NUP35: variants seen among roughly 807,000 people sequenced by gnomAD.
NUP35 encodes nucleoporin NUP35.
A neutral mutation model predicts 41.5 loss-of-function variants in NUP35; 25 were observed. The observed-to-expected ratio is 0.60, with a 90% CI of 0.44 to 0.84. NUP35 has a LOEUF of 0.84. Ranked by LOEUF, NUP35 falls within the 40% of genes least tolerant of loss-of-function variation. The pLI is 0.00. For missense variants in NUP35, 396 were observed against 396.6 expected, an observed-to-expected ratio of 1.00 and a Z score of 0.01; for synonymous variants, 149 against 130.7, an observed-to-expected ratio of 1.14 and a Z score of -0.96.
chr2:183,121,428 G>A (rs1700065859), upstream of NUP35, among the ~76,000 whole-genome samples: 1 of 152,108 alleles, frequency 6.6e-6, no homozygotes, highest in Non-Finnish European at 1.5e-5. Flanking sequence ...TCAATTCTGG[G>A]CTTCTTTATA....
At chr2:183,139,831 C>T (rs942182280) in intron 4 of NUP35, among the ~76,000 whole-genome samples, 2 of 152,184 alleles carry the variant, frequency 1.3e-5, no homozygotes, top group African/African-American at 4.8e-5. Context: ...TAATTTTGGA[C>T]TTTGGGCCTC....
chr2:183,134,446 G>C (rs1487735415), intron 4 of NUP35, among the ~76,000 whole-genome samples: 5 of 152,014 alleles, frequency 3.3e-5, no homozygotes, highest in African/African-American at 1.2e-4. Flanking sequence ...TAATGTATTA[G>C]TTTTCTGTTG....
At chr2:183,154,869 G>T (rs1575136033) in intron 5 of NUP35, among the ~76,000 whole-genome samples, 1 of 152,164 alleles carries the variant, frequency 6.6e-6, no homozygotes, top group African/African-American at 2.4e-5. Flanking sequence ...AGAAAAAGAG[G>T]TTTAATTGGA....
In NUP35 at chr2:183,159,211, G is replaced by C. The variant is rs189761459; in HGVS notation, c.739-277G>C. On this transcript the variant is annotated intron_variant, in intron 7 of 8. Transcript: ENST00000295119. ...CCCTAAGAATTTTTTTGTCCTTGCT[G>C]ATTTTTCATAGTGTTTTAGGAAATT... is the stretch of plus-strand genomic sequence containing the variant. 2.6e-5 allele frequency among the ~76,000 whole-genome samples: 4 copies of C among 152,246 alleles called. No homozygotes were observed. In the East Asian group the frequency reaches 5.8e-4, roughly 22 times the overall value.
At chr2:183,121,933 A>ATTATTATTATTATTATTATTAT (rs1553526836), upstream of NUP35, among the ~76,000 whole-genome samples, 3 of 149,670 alleles carry the variant, frequency 2.0e-5, no homozygotes, top group Non-Finnish European at 3.0e-5. Context: ...TATTATTATT[A>ATTATTATTATTATTATTATTAT]TACTTTAAGT....
chr2:183,159,399 TC>T, intron 7 of NUP35, 88 bp from the exon 8 acceptor site: 1 of 1,002,226 alleles, frequency 1.0e-6, no homozygotes. Flanking sequence ...TTCATCTTTA[TC>T]TTTTAATTAA....
At chr2:183,158,182 G>A (rs1258374651) in intron 6 of NUP35, 101 bp from the exon 7 acceptor site, 1 of 880,310 alleles carries the variant, frequency 1.1e-6, no homozygotes, top group African/African-American at 1.7e-5. Flanking sequence ...AATACGGAAT[G>A]GAAGTAAATT....
rs1684514146 is a variant in NUP35, at chr2:183,127,024, GCT to G, written c.41-1260_41-1259del. On this transcript the variant is annotated intron_variant, in intron 1 of 8. Transcript: ENST00000295119. ...TATACTTGCTATAATTCTAACAAAA[GCT>G]CTGTTAGTGGATGCTAGCTATGCTT... Among the ~76,000 whole-genome samples the G allele has an allele frequency of 2.6e-5, 4 of 151,780 alleles. No individual in the cohort carries two copies. In the South Asian group the frequency reaches 8.3e-4, roughly 32 times the overall value.
intron 4 of NUP35, among the ~76,000 whole-genome samples, chr2:183,148,123 G>A (rs1685343439): frequency 6.6e-6 from 1 of 152,142 alleles, no homozygotes; most frequent in African/African-American, 2.4e-5. Flanking sequence ...CATCCATGTT[G>A]CTGCAAAATT....
intron 4 of NUP35, among the ~76,000 whole-genome samples, chr2:183,147,159 T>G (rs1685308296): frequency 6.6e-6 from 1 of 152,210 alleles, no homozygotes; most frequent in Admixed American, 6.5e-5. Flanking sequence ...GGTTGTCGAT[T>G]TATTCTTTTG....
chr2:183,123,781 G>A (rs1302664108), upstream of NUP35: 1 of 985,206 alleles, frequency 1.0e-6, no homozygotes, highest in Non-Finnish European at 1.2e-6. Flanking sequence ...GGCAGGGATG[G>A]CACATGCAGA....
At chr2:183,130,386 C>CTT in intron 2 of NUP35, 32 bp from the exon 3 acceptor site, 1 of 1,285,468 alleles carries the variant, frequency 7.8e-7, no homozygotes, top group Non-Finnish European at 1.1e-6. Context: ...AAGAAGAATC[C>CTT]CTTTTTTTTT....
At chr2:183,118,257 AGTATT>A (rs1700016437) in intron 1 of NUP35, 1 of 152,224 alleles carries the variant, frequency 6.6e-6, no homozygotes, top group Non-Finnish European at 1.5e-5. Flanking sequence ...TAGAGAAAAA[AGTATT>A]GTAATCAAGA....
At chr2:183,125,593 TGTC>T (rs1684437728) in intron 1 of NUP35, among the ~76,000 whole-genome samples, 1 of 152,240 alleles carries the variant, frequency 6.6e-6, no homozygotes, top group Non-Finnish European at 1.5e-5. Flanking sequence ...TATATATAGA[TGTC>T]GTCTTGGTAT....
chr2:183,126,137 G>A (rs1026601367), intron 1 of NUP35, among the ~76,000 whole-genome samples: 3 of 152,128 alleles, frequency 2.0e-5, no homozygotes, highest in African/African-American at 4.8e-5. Context: ...CCGGGCTCAA[G>A]CAATCCTCCC....
At chr2:183,159,173 C>G (rs767844445) in intron 7 of NUP35, among the ~76,000 whole-genome samples, 1 of 152,088 alleles carries the variant, frequency 6.6e-6, no homozygotes, top group Non-Finnish European at 1.5e-5. Flanking sequence ...TTGATTCTTT[C>G]CAATCCAGGT....
intron 1 of NUP35, among the ~76,000 whole-genome samples, chr2:183,127,289 T>A (rs1684527230): frequency 6.6e-6 from 1 of 152,024 alleles, no homozygotes; most frequent in African/African-American, 2.4e-5. Context: ...TTTTTTTTTT[T>A]TTTTAAATAA....
chr2:183,146,357 C>G (rs1685277499), intron 4 of NUP35, among the ~76,000 whole-genome samples: 1 of 152,180 alleles, frequency 6.6e-6, no homozygotes, highest in South Asian at 2.1e-4. Flanking sequence ...TTAATGTACA[C>G]TTTCCTTTAG....
chr2:183,138,615 G>A (rs2105569999), intron 4 of NUP35, among the ~76,000 whole-genome samples: 1 of 151,994 alleles, frequency 6.6e-6, no homozygotes, highest in African/African-American at 2.4e-5. Flanking sequence ...CATTGAATGT[G>A]TTTTTTCTAC....
Sources: allele counts gnomAD v4.1 joint callset (sites outside exome capture counted in the v4.1 genomes callset), GRCh38; gene constraint gnomAD v4.1.1; transcripts MANE v1.5; gene names NCBI Gene and HGNC (gene_info 2026-07-23, HGNC 2026-07-21).